The following MAF variants were observed in gnomAD, a reference collection of about 807,000 sequenced individuals.
MAF encodes the protein MAF bZIP transcription factor, also known as transcription factor Maf.
A neutral mutation model predicts 22.0 loss-of-function variants in MAF; 10 were observed. The observed-to-expected ratio is 0.45, with a 90% CI of 0.28 to 0.77. MAF has a LOEUF of 0.77. Among genes scored for constraint, MAF ranks in the 30% least tolerant of loss-of-function variants. MAF has a pLI of 0.12. For synonymous variants in MAF, 337 were observed against 255.8 expected, an observed-to-expected ratio of 1.32 and a Z score of -3.03; for missense variants, 544 against 548.4, an observed-to-expected ratio of 0.99 and a Z score of 0.08.
chr16:79,559,795 G>A, the MAF span, among the ~76,000 whole-genome samples: 29 of 152,124 alleles, frequency 1.9e-4, no homozygotes, highest in African/African-American at 6.3e-4. Flanking sequence ...TTATTGTTTA[G>A]CTATCTGGTT....
the MAF span, among the ~76,000 whole-genome samples, chr16:79,327,385 C>T: frequency 4.4e-3 from 672 of 152,168 alleles, 3 homozygotes; most frequent in Non-Finnish European, 8.0e-3. Flanking sequence ...ATTCTTAAAG[C>T]GCTTTTGCTC....
the MAF span, among the ~76,000 whole-genome samples, chr16:79,501,780 G>A: frequency 6.6e-6 from 1 of 152,170 alleles, no homozygotes; most frequent in African/African-American, 2.4e-5. Flanking sequence ...ACCGGACAAT[G>A]AGAAGCAGGC....
At chr16:79,517,759 G>C in the MAF span, among the ~76,000 whole-genome samples, 3 of 152,002 alleles carry the variant, frequency 2.0e-5, no homozygotes, top group Non-Finnish European at 4.4e-5. Flanking sequence ...ATTTTTAGTA[G>C]AGACAGGGTT....
At chr16:79,358,522 G>A in the MAF span, among the ~76,000 whole-genome samples, 19 of 152,156 alleles carry the variant, frequency 1.2e-4, no homozygotes, top group Non-Finnish European at 2.8e-4. Context: ...TAGCTCCCGG[G>A]GCAGGGTAGA....
the MAF span, among the ~76,000 whole-genome samples, chr16:79,515,389 C>A: frequency 6.6e-6 from 1 of 152,180 alleles, no homozygotes; most frequent in Non-Finnish European, 1.5e-5. Flanking sequence ...TTTGAATACC[C>A]ATACAAACAT....
At chr16:79,391,901 GGAGGAGGAGA>G in the MAF span, among the ~76,000 whole-genome samples, 1 of 147,900 alleles carries the variant, frequency 6.8e-6, no homozygotes, top group African/African-American at 2.5e-5. Flanking sequence ...AGGAGGAGCA[GGAGGAGGAGA>G]AGGAGGAGGA....
downstream of MAF, among the ~76,000 whole-genome samples, chr16:79,589,100 AT>A (rs376177722): frequency 0.017 from 2,614 of 152,162 alleles, 65 homozygotes; most frequent in African/African-American, 0.06. Flanking sequence ...TAAAAAGTAG[AT>A]TTTTTTTAAG....
rs1009144068 is a variant in MAF, at chr16:79,600,344, C to G, written c.-442G>C. 8 of 199,206 alleles carry G rather than the reference C, an allele frequency of 4.0e-5. No individual in the cohort carries two copies. The East Asian group carries it at 4.6e-4, about 12-fold the overall frequency. 12.3% of individuals were successfully genotyped at this position (199,206 alleles called of 1,614,324 possible). A position where few individuals can be genotyped will look rare whatever the true frequency, so the allele number is the denominator to read the frequency against. ...TAAGGAAGGGCTCGCCTCGCCGGCC[C>G]GGGCTGCAGGCAGGGCGCGCGCGGC... On this transcript the variant is annotated 5_prime_UTR_variant, in exon 1 of 2. Transcript: ENST00000326043.
chr16:79,337,388 G>A, the MAF span, among the ~76,000 whole-genome samples: 26 of 152,194 alleles, frequency 1.7e-4, no homozygotes, highest in South Asian at 1.3e-3. Flanking sequence ...TGGCCAGTAC[G>A]GTGAAATTCT....
chr16:79,272,665 G>T, the MAF span, among the ~76,000 whole-genome samples: 2 of 152,214 alleles, frequency 1.3e-5, no homozygotes, highest in African/African-American at 4.8e-5. Flanking sequence ...ACCAAGAGCC[G>T]ATACTCTGAG....
the MAF span, chr16:79,212,800 C>T: frequency 3.3e-5 from 5 of 152,136 alleles, no homozygotes; most frequent in East Asian, 1.9e-4. Context: ...CAGGAAAACA[C>T]GATTCTTGTT....
chr16:79,426,366 T>G, the MAF span, among the ~76,000 whole-genome samples: 5 of 151,096 alleles, frequency 3.3e-5, no homozygotes, highest in African/African-American at 1.2e-4. Context: ...AATATAATCA[T>G]GAATTCTCTA....
the MAF span, among the ~76,000 whole-genome samples, chr16:79,511,480 A>C: frequency 6.6e-6 from 1 of 152,112 alleles, no homozygotes; most frequent in Non-Finnish European, 1.5e-5. Flanking sequence ...TTATCATCTT[A>C]ACTGACAATA....
the MAF span, among the ~76,000 whole-genome samples, chr16:79,540,709 T>C: frequency 3.9e-5 from 6 of 152,108 alleles, no homozygotes; most frequent in African/African-American, 1.4e-4. Flanking sequence ...GTAGATCGAA[T>C]TTTGCGTGGC....
chr16:79,296,444 T>C, the MAF span, among the ~76,000 whole-genome samples: 2 of 152,068 alleles, frequency 1.3e-5, no homozygotes, highest in African/African-American at 4.8e-5. Flanking sequence ...GATGGATTGA[T>C]AAGTGCAGCA....
At chr16:79,557,622 A>T in the MAF span, among the ~76,000 whole-genome samples, 24 of 152,192 alleles carry the variant, frequency 1.6e-4, no homozygotes, top group South Asian at 4.6e-3. Flanking sequence ...AATAGCAGCC[A>T]ACCCTCAGAG....
the MAF span, among the ~76,000 whole-genome samples, chr16:79,288,447 C>G: frequency 6.6e-6 from 1 of 152,160 alleles, no homozygotes; most frequent in Non-Finnish European, 1.5e-5. Flanking sequence ...AGAGAGTGAG[C>G]TGCCTATTCA....
the MAF span, among the ~76,000 whole-genome samples, chr16:79,413,285 C>T: frequency 7.8e-6 from 1 of 128,964 alleles, no homozygotes; most frequent in Admixed American, 8.6e-5. Flanking sequence ...CTCTGTCACC[C>T]AGGCTGGAGT....
chr16:79,467,260 C>T, the MAF span, among the ~76,000 whole-genome samples: 1 of 152,238 alleles, frequency 6.6e-6, no homozygotes, highest in South Asian at 2.1e-4. Context: ...TTAAATAAAA[C>T]ACCCCTATTA....
Sources: gnomAD v4.1 joint callset for allele counts (sites outside exome capture counted in the v4.1 genomes callset) on GRCh38, gnomAD v4.1.1 for gene constraint, MANE v1.5 for transcripts, NCBI Gene and HGNC (gene_info 2026-07-23, HGNC 2026-07-21) for gene names.